The following ENTPD5 variants were observed in gnomAD, a reference collection of about 807,000 sequenced individuals.
ENTPD5 encodes the protein ectonucleoside triphosphate diphosphohydrolase 5 (inactive).
A neutral mutation model predicts 60.2 loss-of-function variants in ENTPD5; 49 were observed. The observed-to-expected ratio is 0.81, with a 90% CI of 0.65 to 1.03. The LOEUF is 1.03. ENTPD5 is among the 50% of genes least tolerant of loss of function. ENTPD5 has a pLI of 0.00. For synonymous variants in ENTPD5, 187 were observed against 185.4 expected, an observed-to-expected ratio of 1.01 and a Z score of -0.07; for missense variants, 480 against 507.6, an observed-to-expected ratio of 0.95 and a Z score of 0.52.
At chr14:73,988,827 T>C (rs1012802372) in intron 3 of ENTPD5, among the ~76,000 whole-genome samples, 1 of 152,150 alleles carries the variant, frequency 6.6e-6, no homozygotes, top group East Asian at 1.9e-4. Flanking sequence ...TGCTTTTTTT[T>C]ATTTTATTTT....
In ENTPD5 at chr14:73,966,903, C is replaced by G. The variant is rs146333729; in HGVS notation, c.*25G>C. On this transcript the variant is annotated 3_prime_UTR_variant, in exon 16 of 16. Coordinates refer to ENST00000334696, the MANE Select transcript of ENTPD5 (RefSeq NM_001249.5). ...CCCCTTAAAAAGGTGTTGGCAAATG[C>G]AGGTCTCCAAGGAAGTACGTGGCCT... is the stretch of plus-strand genomic sequence containing the variant. 1,029 of 1,587,824 alleles carry G rather than the reference C, an allele frequency of 6.5e-4. 4 individuals are homozygous for G. Among genetic ancestry groups the G allele is most frequent in the African/African-American group, 5.7e-3 (421 of 74,494 alleles).
rs372115350 is a variant in ENTPD5, at chr14:73,976,018, G to A, written c.643-3C>T. 9.2e-5 allele frequency: 148 copies of A among 1,611,550 alleles called. No homozygotes were observed. The South Asian group carries it at 1.5e-3, about 17-fold the overall frequency. ...CTAGGAGTTTGTTCCAGAGTTTTCT[G>A]CAAATCAGAAAAAGCAAAAAGACTA... On this transcript the variant is annotated splice_region_variant and splice_polypyrimidine_tract_variant and intron_variant, in intron 9 of 15. Coordinates refer to ENST00000334696, the MANE Select transcript of ENTPD5 (RefSeq NM_001249.5).
At chr14:73,994,718 G>A (rs1272726489) in intron 3 of ENTPD5, among the ~76,000 whole-genome samples, 2 of 143,258 alleles carry the variant, frequency 1.4e-5, no homozygotes, top group East Asian at 4.0e-4. Context: ...GCGACAGAGC[G>A]AGACTCCATC....
chr14:73,959,863 C>T (rs1282700564), downstream of ENTPD5: 3 of 1,266,944 alleles, frequency 2.4e-6, no homozygotes, highest in Middle Eastern at 3.2e-4. Context: ...AGCCACTGCA[C>T]CCAGCCAGAA....
At chr14:73,962,924 C>T (rs1468256621), downstream of ENTPD5, 2 of 1,461,774 alleles carry the variant, frequency 1.4e-6, no homozygotes, top group African/African-American at 1.4e-5. Flanking sequence ...TTATTTTCTT[C>T]ACCTTACTGT....
intron 3 of ENTPD5, among the ~76,000 whole-genome samples, chr14:74,004,063 C>T (rs2058593656): frequency 6.6e-6 from 1 of 152,076 alleles, no homozygotes; most frequent in Admixed American, 6.6e-5. Context: ...TAGAATCATG[C>T]CACTGCACTC....
At chr14:73,995,248 A>G (rs2058300231) in intron 3 of ENTPD5, among the ~76,000 whole-genome samples, 1 of 151,840 alleles carries the variant, frequency 6.6e-6, no homozygotes. Flanking sequence ...GGGTTTTGCC[A>G]TGTTGGCCAG....
chr14:74,018,616 A>T (rs979307446), intron 1 of ENTPD5: 11 of 152,242 alleles, frequency 7.2e-5, no homozygotes, highest in Non-Finnish European at 1.6e-4. Flanking sequence ...TTCAGGAAAG[A>T]AGGCTGCGGA....
chr14:73,958,373 T>C, downstream of ENTPD5: 1 of 1,591,378 alleles, frequency 6.3e-7, no homozygotes, highest in Non-Finnish European at 8.6e-7. Context: ...TATAGTTTAA[T>C]TTTAGGCAAA....
intron 14 of ENTPD5, 21 bp downstream of exon 14, chr14:73,971,831 A>G (rs376329214): frequency 1.3e-6 from 2 of 1,580,950 alleles, no homozygotes; most frequent in African/African-American, 2.7e-5. Flanking sequence ...CTTACCTTCA[A>G]GGGCTTCCCC....
rs113461968 is a variant in ENTPD5 at position 73,965,260 on chromosome 14, T to C, written c.*1668A>G. The C allele has an allele frequency of 3.3e-5, 5 of 151,962 alleles. 1 individual carries two copies. Among genetic ancestry groups the C allele is most frequent in the African/African-American group, 7.3e-5 (3 of 41,294 alleles). The allele number at this position is 151,962 out of a possible 1,614,324, so 9.4% of individuals were successfully genotyped here. The stretch of plus-strand genomic sequence containing the variant: ...AGGGCCAGGCATACTTAACATCCTT[T>C]GTGAGAGAGAGGATGGAAACGGAGT... On this transcript the variant is annotated 3_prime_UTR_variant, in exon 16 of 16. Coordinates refer to ENST00000334696, the MANE Select transcript of ENTPD5 (RefSeq NM_001249.5).
intron 3 of ENTPD5, among the ~76,000 whole-genome samples, chr14:74,003,653 C>A (rs2058577498): frequency 6.6e-6 from 1 of 152,244 alleles, no homozygotes. Flanking sequence ...TGCTCATAAC[C>A]AAAACTGCCC....
Position 73,976,415 on chromosome 14 carries a change from G to A in ENTPD5, c.554-3C>T, listed in dbSNP as rs760346790. 5.0e-6 allele frequency: 8 copies of A among 1,613,664 alleles called. No homozygotes were observed. The Admixed American group carries it at 1.2e-4, about 24-fold the overall frequency. ...CTGTCTGTGGCCATGCAGCTGACCTGTCAAATGAGAGCCAGCTCTAAATAG... is the reference window on the plus strand; with the variant it reads ...CTGTCTGTGGCCATGCAGCTGACCTATCAAATGAGAGCCAGCTCTAAATAG... On this transcript the variant is annotated splice_polypyrimidine_tract_variant and splice_region_variant and intron_variant, in intron 8 of 15. Transcript: ENST00000334696.
downstream of ENTPD5, chr14:73,959,679 C>T (rs949807337): frequency 2.2e-6 from 3 of 1,365,870 alleles, no homozygotes; most frequent in South Asian, 3.8e-5. Flanking sequence ...AAGCGATTCT[C>T]CTGCCTCAGC....
Position 73,988,081 on chromosome 14 carries a change from C to T in ENTPD5, c.22G>A (p.Val8Ile). 6.2e-7 allele frequency: 1 copy of T among 1,612,224 alleles called. No individual in the cohort carries two copies. Among genetic ancestry groups the T allele is most frequent in the Non-Finnish European group, 8.5e-7 (1 of 1,179,558 alleles). The change falls in exon 4 of 16, where the codon GTC becomes ATC. Residue 8 changes from valine (V) to isoleucine (I), a missense_variant. Physicochemically the swap from Val to Ile is conservative, Grantham distance 29. Transcript: ENST00000334696. ...CAGGATACCACCAGCATGAAAAAGA[C>T]TGTGCCCCAAGAAGTGGCCATTCTT... MATSWGTVFFMLVVSCVC... is the reference protein window; with the variant it reads MATSWGTIFFMLVVSCVC...
chr14:74,006,580 GC>G (rs1336561282), intron 3 of ENTPD5, among the ~76,000 whole-genome samples: 1 of 150,646 alleles, frequency 6.6e-6, no homozygotes, highest in Non-Finnish European at 1.5e-5. Flanking sequence ...ACCACACCCG[GC>G]CCTTTTTTTT....
chr14:73,989,727 G>T (rs2058056297), intron 3 of ENTPD5, among the ~76,000 whole-genome samples: 1 of 151,792 alleles, frequency 6.6e-6, no homozygotes, highest in South Asian at 2.1e-4. Context: ...CAGCTACTGG[G>T]GAGGCTAAGG....
chr14:73,972,762 G>GT, intron 13 of ENTPD5, 122 bp downstream of exon 13: 1 of 1,152,012 alleles, frequency 8.7e-7, no homozygotes, highest in Non-Finnish European at 1.2e-6. Context: ...TTTTGTTCGA[G>GT]TGACTAGAAA....
At chr14:73,959,342 T>G, downstream of ENTPD5, 1 of 1,614,180 alleles carries the variant, frequency 6.2e-7, no homozygotes, top group Non-Finnish European at 8.5e-7. Context: ...GTTCCCTTTT[T>G]GTCTTTTTAT....
Sources: allele counts gnomAD v4.1 joint callset (sites outside exome capture counted in the v4.1 genomes callset), GRCh38; gene constraint gnomAD v4.1.1; transcripts MANE v1.5; gene names NCBI Gene and HGNC (gene_info 2026-07-23, HGNC 2026-07-21).